Variants in CHST11 observed in about 807,000 individuals in gnomAD.
CHST11 encodes carbohydrate sulfotransferase 11.
A neutral mutation model predicts 30.4 loss-of-function variants in CHST11; 9 were observed. The ratio of observed to expected loss-of-function variants is 0.30; its 90% CI spans 0.18 to 0.52. The LOEUF is 0.52. CHST11 is among the 20% of genes least tolerant of loss of function. CHST11 has a pLI of 0.97. For synonymous variants in CHST11, 152 were observed against 187.8 expected (o/e 0.81, Z 1.56); for missense variants, 348 against 460.6 (o/e 0.76, Z 2.24).
chr12:104,735,271 C>A (rs558623018), intron 2 of CHST11, among the ~76,000 whole-genome samples: 1 of 152,134 alleles, frequency 6.6e-6, no homozygotes, highest in Non-Finnish European at 1.5e-5. Context: ...AAATATAATA[C>A]GTCTCTACCT....
intron 2 of CHST11, among the ~76,000 whole-genome samples, chr12:104,664,069 G>C (rs1286055204): frequency 6.6e-6 from 1 of 152,174 alleles, no homozygotes; most frequent in Non-Finnish European, 1.5e-5. Context: ...ATTACTTCCA[G>C]CGAGCTATCT....
chr12:104,691,602 C>T (rs553782537), intron 2 of CHST11, among the ~76,000 whole-genome samples: 10 of 151,872 alleles, frequency 6.6e-5, no homozygotes, highest in African/African-American at 2.2e-4. Flanking sequence ...ATTCTCCTGC[C>T]TCAGCCTCCC....
At chr12:104,488,679 G>A (rs368741464) in intron 1 of CHST11, among the ~76,000 whole-genome samples, 14 of 149,998 alleles carry the variant, frequency 9.3e-5, no homozygotes, top group African/African-American at 1.7e-4. Context: ...ATGTGTATGC[G>A]TCTGTGTATG....
At chr12:104,752,520 ATTTATTTAT>A (rs904705755) in intron 2 of CHST11, among the ~76,000 whole-genome samples, 13 of 151,022 alleles carry the variant, frequency 8.6e-5, no homozygotes, top group Admixed American at 3.3e-4. Context: ...TTATTTATTT[ATTTATTTAT>A]TTATTTATGT....
intron 2 of CHST11, among the ~76,000 whole-genome samples, chr12:104,690,183 A>G (rs774757373): frequency 3.9e-5 from 6 of 152,208 alleles, no homozygotes; most frequent in Non-Finnish European, 7.3e-5. Context: ...TTAAAATAAC[A>G]CAGTACCTAT....
chr12:104,629,261 A>C (rs954947595), intron 2 of CHST11, among the ~76,000 whole-genome samples: 2 of 152,194 alleles, frequency 1.3e-5, no homozygotes, highest in African/African-American at 4.8e-5. Flanking sequence ...ATGAGCCAGG[A>C]GTCTGAGTAT....
chr12:104,756,532 G>GGGGTGTGTGTGTGTGTGT (rs1555250374), intron 2 of CHST11, among the ~76,000 whole-genome samples: 74 of 143,398 alleles, frequency 5.2e-4, no homozygotes, highest in East Asian at 4.1e-3. Context: ...ATCCATGTGG[G>GGGGTGTGTGTGTGTGTGT]GTGTGTGTGT....
intron 2 of CHST11, among the ~76,000 whole-genome samples, chr12:104,705,778 G>A (rs937442256): frequency 1.3e-5 from 2 of 151,716 alleles, no homozygotes; most frequent in East Asian, 2.0e-4. Context: ...AAAATTAGCC[G>A]GTCATAGTGG....
At chr12:104,645,132 A>G (rs1427267799) in intron 2 of CHST11, among the ~76,000 whole-genome samples, 1 of 152,096 alleles carries the variant, frequency 6.6e-6, no homozygotes, top group Non-Finnish European at 1.5e-5. Flanking sequence ...TATTTTTAGT[A>G]GAGACGGGGT....
At chr12:104,572,198 G>A (rs11112106) in intron 1 of CHST11, among the ~76,000 whole-genome samples, 26,317 of 148,548 alleles carry the variant, frequency 0.18, 1,301 homozygotes, top group East Asian at 0.37. Context: ...GTCTCTGCCA[G>A]GCTTTGGTAT....
chr12:104,745,865 A>G (rs969223587), intron 2 of CHST11, among the ~76,000 whole-genome samples: 2 of 152,296 alleles, frequency 1.3e-5, no homozygotes, highest in Middle Eastern at 6.8e-3. Context: ...TTCTAGATGT[A>G]GGATCATCTC....
At chr12:104,530,115 C>T (rs148817430) in intron 1 of CHST11, among the ~76,000 whole-genome samples, 255 of 152,218 alleles carry the variant, frequency 1.7e-3, no homozygotes, top group African/African-American at 5.9e-3. Flanking sequence ...GCCGAGATTG[C>T]GCCATTATAG....
chr12:104,683,677 T>G (rs970324282), intron 2 of CHST11, among the ~76,000 whole-genome samples: 9 of 152,170 alleles, frequency 5.9e-5, no homozygotes, highest in Non-Finnish European at 2.9e-5. Context: ...CAAAGGAAAA[T>G]TTTTAAAAAT....
chr12:104,597,605 T>C (rs1255271346), intron 1 of CHST11, among the ~76,000 whole-genome samples: 2 of 151,980 alleles, frequency 1.3e-5, no homozygotes, highest in Non-Finnish European at 2.9e-5. Flanking sequence ...GAGTACCTAC[T>C]ACGTGCCAAG....
intron 1 of CHST11, among the ~76,000 whole-genome samples, chr12:104,548,656 G>A (rs2038375743): frequency 6.6e-6 from 1 of 152,154 alleles, no homozygotes; most frequent in Non-Finnish European, 1.5e-5. Flanking sequence ...CCATAGCTGG[G>A]TTGCATGCCC....
intron 1 of CHST11, among the ~76,000 whole-genome samples, chr12:104,497,163 A>G (rs1431793092): frequency 6.6e-6 from 1 of 152,216 alleles, no homozygotes; most frequent in East Asian, 1.9e-4. Context: ...TAAAGTTCAT[A>G]TGTTGAAGAC....
In CHST11 at chr12:104,698,897, T is replaced by C. The variant is rs1042910842; in HGVS notation, c.205-58052T>C. Among the ~76,000 whole-genome samples the C allele has an allele frequency of 2.6e-5, 4 of 152,256 alleles. No individual in the cohort carries two copies. The East Asian group carries it at 7.7e-4, about 29-fold the overall frequency. ...CTCTTTATACTTAAAAGTAATTCAATTGAATGTGATTGAATATTGTCTTTA... is the reference window on the plus strand; with the variant it reads ...CTCTTTATACTTAAAAGTAATTCAACTGAATGTGATTGAATATTGTCTTTA... On this transcript the variant is annotated intron_variant, in intron 2 of 2. Coordinates refer to ENST00000303694, the MANE Select transcript of CHST11 (RefSeq NM_018413.6).
At chr12:104,622,348 T>A (rs1248252187) in intron 2 of CHST11, among the ~76,000 whole-genome samples, 4 of 152,222 alleles carry the variant, frequency 2.6e-5, no homozygotes, top group African/African-American at 7.2e-5. Flanking sequence ...TTATTTTTTT[T>A]AAAAGGACGG....
chr12:104,716,383 C>G (rs892949288), intron 2 of CHST11, among the ~76,000 whole-genome samples: 3 of 152,272 alleles, frequency 2.0e-5, no homozygotes, highest in African/African-American at 7.2e-5. Context: ...TGCAAACACT[C>G]TATGCCTCAG....
Sources: gnomAD v4.1 joint callset for allele counts (sites outside exome capture counted in the v4.1 genomes callset) on GRCh38, gnomAD v4.1.1 for gene constraint, MANE v1.5 for transcripts, NCBI Gene and HGNC (gene_info 2026-07-23, HGNC 2026-07-21) for gene names.